LILRB4: variants seen among roughly 807,000 people sequenced by gnomAD.
LILRB4 encodes the protein leukocyte immunoglobulin-like receptor subfamily B member 4.
Under a neutral mutation model 55.2 loss-of-function variants are expected in LILRB4, and 49 were observed. That is an observed-to-expected ratio of 0.89 (90% CI 0.71 to 1.13). The LOEUF (loss-of-function observed/expected upper bound fraction) is 1.13, where lower values mean the gene tolerates loss of function less well. Ranked by LOEUF, LILRB4 falls within the 50% of genes most tolerant of loss-of-function variation. LILRB4 has a pLI of 0.00. For missense variants in LILRB4, 590 were observed against 555.2 expected (o/e 1.06, Z -0.63); for synonymous variants, 229 against 213.8 (o/e 1.07, Z -0.62).
At chr19:54,664,392 G>A (rs143219832) in exon 4 of LILRB4, 1 of 1,613,582 alleles carries the variant, frequency 6.2e-7, no homozygotes, top group African/African-American at 1.3e-5. Context: ...TGTGACCTCA[G>A]TGCACGGGGG....
At chr19:54,667,686 C>T (rs769959711) in exon 11 of LILRB4, 1 of 1,610,718 alleles carries the variant, frequency 6.2e-7, no homozygotes, top group African/African-American at 1.3e-5. Flanking sequence ...CAAGGTGAAA[C>T]ACTCCAGACC....
intron 4 of LILRB4, 76 bp from the exon 5 acceptor site, chr19:54,664,723 T>C: frequency 5.0e-6 from 6 of 1,200,826 alleles, no homozygotes; most frequent in Non-Finnish European, 7.1e-6. Flanking sequence ...AGGGCAGATA[T>C]AGGGAGAGGT....
exon 3 of LILRB4, chr19:54,663,832 A>G (rs577458597): frequency 6.2e-7 from 1 of 1,614,164 alleles, no homozygotes; most frequent in Middle Eastern, 1.7e-4. Context: ...ATCTGGTGTC[A>G]GGGGACCCTG....
In LILRB4 at chr19:54,663,571, A is replaced by T; in HGVS notation, c.70+4A>T. The T allele has an allele frequency of 6.2e-7, 1 of 1,613,178 alleles. No homozygotes were observed. The highest frequency in any genetic ancestry group is 1.8e-4 in the Middle Eastern group (1 of 5,458). ...CCCAGGACCCACATGCAGGCAGGTG[A>T]GTCTGTCCCCAGCTGTCCCAGGTCC... is the stretch of plus-strand genomic sequence containing the variant. On this transcript the variant is annotated splice_donor_region_variant and intron_variant, in intron 2 of 11. Transcript: ENST00000430952.
At position 54,666,946 on chromosome 19, in the gene LILRB4, C is replaced by G. The variant is rs2065300537; in HGVS notation, c.1041+197C>G. Reference sequence around the variant, plus strand: ...GACCTCATGGGCCTCCTCCCGGGTCCCCTTCCTGCTCCTCATCCTCTGTTT... The same window carrying G: ...GACCTCATGGGCCTCCTCCCGGGTCGCCTTCCTGCTCCTCATCCTCTGTTT... On this transcript the variant is annotated intron_variant, in intron 10 of 11. Transcript: ENST00000430952. The surrounding 1 kb of genome is among the most constrained non-coding windows in gnomAD (Gnocchi z 4.8). 1 of 732,346 alleles carries G rather than the reference C, an allele frequency of 1.4e-6. No individual in the cohort carries two copies. The highest frequency in any genetic ancestry group is 1.7e-5 in the African/African-American group (1 of 57,694). The allele number at this position is 732,346 out of a possible 1,614,324, so 45.4% of individuals were successfully genotyped here. A position where few individuals can be genotyped will look rare whatever the true frequency, so the allele number is the denominator to read the frequency against.
At chr19:54,667,356 C>A in intron 10 of LILRB4, 1 of 630,002 alleles carries the variant, frequency 1.6e-6, no homozygotes. Context: ...AATGGACGAG[C>A]CCCTGCAGGC....
At position 54,666,427 on chromosome 19, in the gene LILRB4, G is replaced by A. The variant is rs1203296509; in HGVS notation, c.979G>A (p.Glu327Lys). Residue 327 changes from glutamate (E) to lysine (K), a missense_variant, in exon 9 of 12, where the codon GAA becomes AAA. Physicochemically the swap from Glu to Lys is moderately conservative, Grantham distance 56. Coordinates refer to ENST00000430952, the Ensembl canonical transcript of LILRB4. The surrounding 1 kb of genome is among the most constrained non-coding windows in gnomAD (Gnocchi z 4.8). ...CAGCCCAGCTGCTGACGTCCAGGGA[G>A]AAAACTTCTGTGAGTGAGAGGCAGA... 2 of 1,614,180 alleles carry A rather than the reference G, an allele frequency of 1.2e-6. No homozygotes were observed. The highest frequency in any genetic ancestry group is 1.7e-6 in the Non-Finnish European group (2 of 1,179,992).
chr19:54,663,192 A>T, intron 1 of LILRB4, 125 bp downstream of exon 1: 1 of 1,116,962 alleles, frequency 9.0e-7, no homozygotes, highest in South Asian at 1.6e-5. Flanking sequence ...CACGCCTGTA[A>T]TCCCAGCACT....
At chr19:54,663,419 C>G in intron 1 of LILRB4, 113 bp from the exon 2 acceptor site, 2 of 1,385,252 alleles carry the variant, frequency 1.4e-6, no homozygotes, top group Non-Finnish European at 1.9e-6. Context: ...GCACTCCAGC[C>G]TGGGTGACAG....
rs1324572637 is a variant in LILRB4 at position 54,665,963 on chromosome 19, A to AG, written c.874+32_874+33insG. 5.6e-6 allele frequency: 9 copies of AG among 1,613,484 alleles called. No homozygotes were observed. The highest frequency in any genetic ancestry group is 7.6e-6 in the Non-Finnish European group (9 of 1,179,738). ...AGGAAATTGGGGGACCCGTGGGCTG[A>AG]TGGAGGGTGGGCTCAGGGCACCAGC... On this transcript the variant is annotated intron_variant, in intron 7 of 11. Transcript: ENST00000430952. This position sits in a 1 kb window ranked among gnomAD's most constrained non-coding sequence, Gnocchi z 5.5.
exon 12 of LILRB4, chr19:54,668,361 G>A (rs1156873874): frequency 4.2e-6 from 1 of 235,914 alleles, no homozygotes; most frequent in Admixed American, 5.1e-5. Flanking sequence ...AAAAAATAGA[G>A]AAAAATTAAT....
chr19:54,667,298 T>A, intron 10 of LILRB4: 1 of 582,040 alleles, frequency 1.7e-6, no homozygotes, highest in Non-Finnish European at 3.2e-6. Context: ...GGCTGTCTGC[T>A]CAGCTGTCAT....
rs1321368784 is a variant in LILRB4, at chr19:54,666,741, G to A, written c.1033G>A (p.Asp345Asn). ...ACAGCCTGAGGACGGGGTGGAAATG[G>A]ACACTCGGGTGAGAACCCGCCCCTG... The change falls in exon 10 of 12, where the codon GAC becomes AAC. Residue 345 changes from aspartate to asparagine, a missense_variant. Coordinates refer to ENST00000430952, the Ensembl canonical transcript of LILRB4. This position sits in a 1 kb window ranked among gnomAD's most constrained non-coding sequence, Gnocchi z 4.8. The A allele has an allele frequency of 1.9e-6, 3 of 1,614,050 alleles. No individual in the cohort carries two copies. Among genetic ancestry groups the A allele is most frequent in the East Asian group, 2.2e-5 (1 of 44,888 alleles).
Position 54,664,633 on chromosome 19 carries a change from C to A in LILRB4, c.655+148C>A, listed in dbSNP as rs1599922681. 4.0e-5 allele frequency: 41 copies of A among 1,029,334 alleles called. No homozygotes were observed. The East Asian group carries it at 1.0e-3, about 26-fold the overall frequency. 63.8% of individuals were successfully genotyped at this position (1,029,334 alleles called of 1,614,324 possible). On this transcript the variant is annotated intron_variant, in intron 4 of 11. Transcript: ENST00000430952. ...GGGAGGAGGACAACAGGGGCCCTCC[C>A]AGGCATGCCCATGCTCTTCTCCCTC...
chr19:54,668,111 C>T (rs1451173824), exon 12 of LILRB4: 1 of 1,459,146 alleles, frequency 6.9e-7, no homozygotes, highest in Non-Finnish European at 9.4e-7. Context: ...GAACCCCAGC[C>T]AGCCCAGACC....
At chr19:54,664,099 C>T (rs2065148730) in intron 3 of LILRB4, 61 bp downstream of exon 3, 2 of 1,601,336 alleles carry the variant, frequency 1.2e-6, no homozygotes, top group African/African-American at 2.7e-5. Context: ...GGTCAGCTCT[C>T]AGGGGCATCT....
exon 3 of LILRB4, chr19:54,663,805 G>T: frequency 6.2e-7 from 1 of 1,614,116 alleles, no homozygotes; most frequent in Non-Finnish European, 8.5e-7. Context: ...GTGATCAGCT[G>T]GGGGAACTCT....
At position 54,666,984 on chromosome 19, in the gene LILRB4, G is replaced by C. The variant is rs1370387144; in HGVS notation, c.1041+235G>C. ...TCATCCTCTGTTTGGCCATCTGGTT[G>C]TTAGAGAGCTCCCCAGGCCTCAGGA... On this transcript the variant is annotated intron_variant, in intron 10 of 11. Coordinates refer to ENST00000430952, the Ensembl canonical transcript of LILRB4. The surrounding 1 kb of genome is among the most constrained non-coding windows in gnomAD (Gnocchi z 4.8). The C allele has an allele frequency of 1.4e-6, 1 of 705,482 alleles. No individual in the cohort carries two copies. The highest frequency in any genetic ancestry group is 1.8e-5 in the African/African-American group (1 of 56,976). 43.7% of individuals were successfully genotyped at this position (705,482 alleles called of 1,614,324 possible). A position where few individuals can be genotyped will look rare whatever the true frequency, so the allele number is the denominator to read the frequency against.
rs78235679 is a variant in LILRB4, at chr19:54,663,837, A to G, written c.154A>G (p.Thr52Ala). 2,689 of 1,613,972 alleles carry G rather than the reference A, an allele frequency of 1.7e-3. 39 individuals are homozygous for G. The African/African-American group carries it at 0.032, about 19-fold the overall frequency. Reference sequence around the variant, plus strand: ...CTCTGTGACCATCTGGTGTCAGGGGACCCTGGAGGCTCGGGAGTACCGTCT... The same window carrying G: ...CTCTGTGACCATCTGGTGTCAGGGGGCCCTGGAGGCTCGGGAGTACCGTCT... The change falls in exon 3 of 12, where the codon ACC becomes GCC. Residue 52 changes from threonine to alanine, a missense_variant. Coordinates refer to ENST00000430952, the Ensembl canonical transcript of LILRB4.
Sources: gnomAD v4.1 joint callset for allele counts on GRCh38, gnomAD v4.1.1 for gene constraint, Gnocchi (gnomAD v3.1) non-coding constraint, MANE v1.5 for transcripts, NCBI Gene and HGNC (gene_info 2026-07-23, HGNC 2026-07-21) for gene names.